Variants in SLC24A3 observed in about 807,000 individuals in gnomAD.
The protein encoded by SLC24A3 is solute carrier family 24 member 3, also known as sodium/potassium/calcium exchanger 3.
SLC24A3 carries 28 observed loss-of-function variants against 75.8 expected under a neutral mutation model. The observed-to-expected ratio is 0.37, with a 90% CI of 0.27 to 0.51. The LOEUF (loss-of-function observed/expected upper bound fraction) is 0.51, where lower values mean the gene tolerates loss of function less well. Among genes scored for constraint, SLC24A3 ranks in the 20% least tolerant of loss-of-function variants. The pLI is 0.94. For synonymous variants in SLC24A3, 372 were observed against 334.1 expected (o/e 1.11, Z -1.24); for missense variants, 663 against 847.8 (o/e 0.78, Z 2.71).
chr20:19,650,237 C>A (rs2032186685), intron 6 of SLC24A3, among the ~76,000 whole-genome samples: 1 of 152,074 alleles, frequency 6.6e-6, no homozygotes, highest in Non-Finnish European at 1.5e-5. Flanking sequence ...GATTACAATC[C>A]AGACATTGAA....
chr20:19,239,119 T>A (rs1982255317), intron 1 of SLC24A3, among the ~76,000 whole-genome samples: 4 of 134,336 alleles, frequency 3.0e-5, no homozygotes, highest in African/African-American at 5.7e-5. Flanking sequence ...AAAGCTTATT[T>A]TAAAAAAAAA....
intron 2 of SLC24A3, among the ~76,000 whole-genome samples, chr20:19,496,820 C>A (rs1389116120): frequency 6.6e-6 from 1 of 152,126 alleles, no homozygotes; most frequent in Non-Finnish European, 1.5e-5. Flanking sequence ...TGGTAAAGGG[C>A]TTTCCAGGGA....
chr20:19,387,270 CTT>C (rs1261547027), intron 2 of SLC24A3, among the ~76,000 whole-genome samples: 2 of 151,526 alleles, frequency 1.3e-5, no homozygotes, highest in Non-Finnish European at 3.0e-5. Flanking sequence ...TTTTATTTAT[CTT>C]TTTGAAAAAC....
chr20:19,592,797 C>CT (rs11480179), intron 6 of SLC24A3, among the ~76,000 whole-genome samples: 1,882 of 126,654 alleles, frequency 0.015, 43 homozygotes, highest in African/African-American at 0.041. Context: ...TTCTTTCTTT[C>CT]TTTTTTTTTT....
At chr20:19,543,536 G>T (rs1192992686) in intron 3 of SLC24A3, among the ~76,000 whole-genome samples, 2 of 152,218 alleles carry the variant, frequency 1.3e-5, no homozygotes, top group Non-Finnish European at 2.9e-5. Context: ...GAAGCAGAGT[G>T]CAGCTGCCAG....
At chr20:19,502,868 CAAAAAA>C (rs368651686) in intron 2 of SLC24A3, among the ~76,000 whole-genome samples, 6 of 72,208 alleles carry the variant, frequency 8.3e-5, no homozygotes, top group South Asian at 5.3e-4. Context: ...CTGTCTCTAC[CAAAAAA>C]AAAAAAAAAA....
chr20:19,346,147 A>ATATATGG lies in SLC24A3; in HGVS notation c.271+65065_271+65066insGGTATAT, dbSNP rs2122316418. Among the ~76,000 whole-genome samples the ATATATGG allele has an allele frequency of 1.8e-4, 14 of 79,674 alleles. 6 individuals carry two copies. Among genetic ancestry groups the ATATATGG allele is most frequent in the African/African-American group, 5.9e-4 (11 of 18,592 alleles). 52.3% of individuals were successfully genotyped at this position (79,674 alleles called of 152,430 possible). A position where few individuals can be genotyped will look rare whatever the true frequency, so the allele number is the denominator to read the frequency against. Reference sequence around the variant, plus strand: ...GTGTATATATATATATGGTGTGTGTATATATATATGGTGTATATATATGGT... The same window carrying ATATATGG: ...GTGTATATATATATATGGTGTGTGTATATATGGTATATATATGGTGTATATATATGGT... On this transcript the variant is annotated intron_variant, in intron 2 of 16. Coordinates refer to ENST00000328041, the MANE Select transcript of SLC24A3 (RefSeq NM_020689.4).
intron 2 of SLC24A3, among the ~76,000 whole-genome samples, chr20:19,501,202 C>G (rs1328654585): frequency 6.6e-6 from 1 of 152,084 alleles, no homozygotes; most frequent in African/African-American, 2.4e-5. Context: ...GAAACTTTTT[C>G]CTCCTACTTC....
intron 2 of SLC24A3, among the ~76,000 whole-genome samples, chr20:19,365,796 A>G (rs530130267): frequency 3.3e-5 from 5 of 152,220 alleles, no homozygotes; most frequent in African/African-American, 9.6e-5. Context: ...AACATATCCA[A>G]TTGCAAAAGT....
intron 2 of SLC24A3, among the ~76,000 whole-genome samples, chr20:19,508,452 G>T (rs1036336731): frequency 6.6e-6 from 1 of 151,660 alleles, no homozygotes; most frequent in Admixed American, 6.6e-5. Context: ...TGCTCCATTT[G>T]ATCAATATGT....
rs1176209950 is a variant in SLC24A3 at position 19,714,405 on chromosome 20, T to TA, written c.1720-3102dup. Among the ~76,000 whole-genome samples, 384 of 50,640 alleles carry TA rather than the reference T, an allele frequency of 7.6e-3. 2 individuals are homozygous for TA. The East Asian group carries it at 0.11, about 15-fold the overall frequency. 33.2% of individuals were successfully genotyped at this position (50,640 alleles called of 152,430 possible). A position where few individuals can be genotyped will look rare whatever the true frequency, so the allele number is the denominator to read the frequency against. On this transcript the variant is annotated intron_variant, in intron 15 of 16. Transcript: ENST00000328041. Reference sequence around the variant, plus strand: ...GGACAACACAATGAGACCCAGTCTCTAAAAAAAAAAAAAAAAAAAAACAAC... The same window carrying TA: ...GGACAACACAATGAGACCCAGTCTCTAAAAAAAAAAAAAAAAAAAAAACAAC...
intron 15 of SLC24A3, among the ~76,000 whole-genome samples, chr20:19,703,468 A>AT (rs961701426): frequency 1.3e-5 from 2 of 152,154 alleles, no homozygotes; most frequent in South Asian, 2.1e-4. Flanking sequence ...AATAAATTTT[A>AT]TTTTTTCAAC....
At chr20:19,498,067 CTTG>C (rs1988323261) in intron 2 of SLC24A3, among the ~76,000 whole-genome samples, 1 of 152,192 alleles carries the variant, frequency 6.6e-6, no homozygotes, top group African/African-American at 2.4e-5. Context: ...GAGCATGAAC[CTTG>C]TTGTGAACTG....
At chr20:19,431,912 G>A (rs1987110447) in intron 2 of SLC24A3, among the ~76,000 whole-genome samples, 1 of 151,854 alleles carries the variant, frequency 6.6e-6, no homozygotes, top group Non-Finnish European at 1.5e-5. Flanking sequence ...AGACTTTCTG[G>A]ATGGTGAGGG....
chr20:19,343,740 A>G (rs1474261441), intron 2 of SLC24A3, among the ~76,000 whole-genome samples: 1 of 152,204 alleles, frequency 6.6e-6, no homozygotes, highest in African/African-American at 2.4e-5. Flanking sequence ...TGGAGCAGAA[A>G]GAGGGACTGG....
intron 2 of SLC24A3, among the ~76,000 whole-genome samples, chr20:19,484,920 TACTC>T (rs1988108260): frequency 6.6e-6 from 1 of 152,192 alleles, no homozygotes; most frequent in African/African-American, 2.4e-5. Flanking sequence ...GACTGAAAGA[TACTC>T]AGTCTCCTCG....
intron 9 of SLC24A3, among the ~76,000 whole-genome samples, chr20:19,679,552 A>ACCGTG (rs1568695488): frequency 1.7e-4 from 17 of 99,406 alleles, no homozygotes; most frequent in African/African-American, 4.1e-4. Flanking sequence ...GGAGAGGGAG[A>ACCGTG]GGGAGAGGGA....
intron 2 of SLC24A3, among the ~76,000 whole-genome samples, chr20:19,439,438 A>G (rs1205965091): frequency 2.0e-5 from 3 of 152,204 alleles, no homozygotes; most frequent in Admixed American, 6.5e-5. Flanking sequence ...TTCCTCGCCA[A>G]AAAACAAAAC....
intron 2 of SLC24A3, among the ~76,000 whole-genome samples, chr20:19,429,326 C>T (rs1987063556): frequency 6.6e-6 from 1 of 152,230 alleles, no homozygotes; most frequent in South Asian, 2.1e-4. Flanking sequence ...GTATGCTCAA[C>T]CTAATTATTT....
Sources: gnomAD v4.1 joint callset for allele counts (sites outside exome capture counted in the v4.1 genomes callset) on GRCh38, gnomAD v4.1.1 for gene constraint, MANE v1.5 for transcripts, NCBI Gene and HGNC (gene_info 2026-07-23, HGNC 2026-07-21) for gene names.